The following IGF2R variants were observed in gnomAD, a reference collection of about 807,000 sequenced individuals.
IGF2R encodes cation-independent mannose-6-phosphate receptor.
IGF2R carries 91 observed loss-of-function variants against 270.6 expected under a neutral mutation model. The observed-to-expected ratio is 0.34, with a 90% confidence interval of 0.28 to 0.40. The LOEUF is 0.40. IGF2R is among the 10% of genes least tolerant of loss of function. The probability of loss-of-function intolerance (pLI) is 1.00; values close to 1 mark genes in which losing one functional copy is unlikely to be tolerated. For missense variants in IGF2R, 2,805 were observed against 3,188.3 expected (o/e 0.88, Z 2.90); for synonymous variants, 1,316 against 1,258.9 (o/e 1.05, Z -0.96).
At chr6:160,042,831 G>C (rs1006477175) in intron 11 of IGF2R, among the ~76,000 whole-genome samples, 1 of 152,172 alleles carries the variant, frequency 6.6e-6, no homozygotes, top group African/African-American at 2.4e-5. Context: ...TCTTGATTTG[G>C]GTTTTCAGTT....
Position 160,096,645 on chromosome 6 carries a change from G to A in IGF2R, c.6842+20G>A, listed in dbSNP as rs749637133. ...TCTGGGGTGAGTATGACATCCGGAA[G>A]CTTAGCACTTGTACCCCACATCTTC... On this transcript the variant is annotated intron_variant, in intron 45 of 47. Coordinates refer to ENST00000356956, the MANE Select transcript of IGF2R (RefSeq NM_000876.4). The A allele has an allele frequency of 6.3e-7, 1 of 1,587,350 alleles. No homozygotes were observed. The highest frequency in any genetic ancestry group is 1.1e-5 in the South Asian group (1 of 87,666).
rs374125303 is a variant in IGF2R at position 160,079,763 on chromosome 6, G to A, written c.5662G>A (p.Val1888Met). Residue 1888 changes from valine (V) to methionine (M), a missense_variant, in exon 38 of 48, where the codon GTG becomes ATG. By Grantham distance (21) the Val-to-Met change is conservative. Coordinates refer to ENST00000356956, the MANE Select transcript of IGF2R (RefSeq NM_000876.4). Reference protein sequence around the residue: ...HQDEAVVLSYVNGDRCPPETD... With the variant: ...HQDEAVVLSYMNGDRCPPETD... ...GGATGAAGCGGTCGTTTTAAGTTAC[G>A]TGAATGGTGATCGTTGCCCTCCAGG... 4.8e-6 allele frequency: 7 copies of A among 1,458,524 alleles called. No individual in the cohort carries two copies. The highest frequency in any genetic ancestry group is 1.5e-5 in the South Asian group (1 of 64,708). The allele number at this position is 1,458,524 out of a possible 1,614,324, so 90.3% of individuals were successfully genotyped here.
intron 25 of IGF2R, among the ~76,000 whole-genome samples, chr6:160,062,223 G>T (rs1358374410): frequency 1.4e-5 from 2 of 144,684 alleles, no homozygotes; most frequent in African/African-American, 5.2e-5. Flanking sequence ...ACCCAGGCTG[G>T]AGTGCAGTGG....
chr6:160,063,039 G>GTTTT (rs35789923), intron 26 of IGF2R, among the ~76,000 whole-genome samples: 1 of 131,280 alleles, frequency 7.6e-6, no homozygotes, highest in Non-Finnish European at 1.7e-5. Context: ...AATTGTAAAA[G>GTTTT]TTTTTTTTTT....
chr6:159,987,326 T>C (rs1783903456), intron 1 of IGF2R, among the ~76,000 whole-genome samples: 2 of 152,252 alleles, frequency 1.3e-5, no homozygotes, highest in Admixed American at 1.3e-4. Flanking sequence ...TCTTCATAAA[T>C]TTTCAGAGAG....
chr6:160,091,891 C>T (rs1779235152), intron 44 of IGF2R, among the ~76,000 whole-genome samples: 1 of 152,224 alleles, frequency 6.6e-6, no homozygotes, highest in South Asian at 2.1e-4. Context: ...CCAGGGTAGC[C>T]TTGCAAGCTG....
chr6:160,077,213 T>C (rs1393467126), intron 36 of IGF2R, among the ~76,000 whole-genome samples: 1 of 152,216 alleles, frequency 6.6e-6, no homozygotes, highest in Non-Finnish European at 1.5e-5. Flanking sequence ...GGCAGAGCTG[T>C]ATTCAGTCCA....
At chr6:160,093,714 A>G (rs1304020904) in intron 44 of IGF2R, 3 of 757,822 alleles carry the variant, frequency 4.0e-6, no homozygotes, top group African/African-American at 1.7e-5. Context: ...AAAGTTGTGA[A>G]TGGACCTGAA....
intron 1 of IGF2R, among the ~76,000 whole-genome samples, chr6:159,975,574 C>T (rs1169287655): frequency 6.6e-6 from 1 of 151,362 alleles, no homozygotes; most frequent in African/African-American, 2.4e-5. Context: ...AGATTGTTTC[C>T]TGAGGCCTGA....
rs537814904 is a variant in IGF2R at position 159,974,997 on chromosome 6, C to T, written c.149+5602C>T. ...AACAGTCATCAACACAGAAGACCTCCGTAATCAAATGTGTGGTCGTTTTTC... is the reference window on the plus strand; with the variant it reads ...AACAGTCATCAACACAGAAGACCTCTGTAATCAAATGTGTGGTCGTTTTTC... On this transcript the variant is annotated intron_variant, in intron 1 of 47. Transcript: ENST00000356956. 1.6e-4 allele frequency among the ~76,000 whole-genome samples: 25 copies of T among 152,296 alleles called. No individual in the cohort carries two copies. The East Asian group carries it at 2.1e-3, about 13-fold the overall frequency.
chr6:160,024,550 CT>C, intron 4 of IGF2R, 21 bp from the exon 5 acceptor site: 1 of 1,613,138 alleles, frequency 6.2e-7, no homozygotes, highest in Non-Finnish European at 8.5e-7. Flanking sequence ...TGAAGACTCA[CT>C]TTTTTCTTCC....
rs1778166488 is a variant in IGF2R at position 160,050,355 on chromosome 6, G to GT, written c.2515-117dup. 1 of 1,021,126 alleles carries GT rather than the reference G, an allele frequency of 9.8e-7. No homozygotes were observed. The highest frequency in any genetic ancestry group is 1.5e-6 in the Non-Finnish European group (1 of 688,836). 63.3% of individuals were successfully genotyped at this position (1,021,126 alleles called of 1,614,324 possible). ...TAATAAGGGGATTTCCCCAGGAGCA[G>GT]TGGTTCTGTATTCAATAATTCATTG... On this transcript the variant is annotated intron_variant, in intron 18 of 47. Coordinates refer to ENST00000356956, the MANE Select transcript of IGF2R (RefSeq NM_000876.4). This position sits in a 1 kb window ranked among gnomAD's most constrained non-coding sequence, Gnocchi z 4.0.
Position 160,084,142 on chromosome 6 carries a change from C to A in IGF2R, c.6026C>A (p.Ser2009Tyr), listed in dbSNP as rs1230492914. The change falls in exon 40 of 48, where the codon TCC (serine) becomes TAC (tyrosine). Residue 2009 changes from serine to tyrosine, a missense_variant. Around this residue, in one of 2 missense-constraint regions of IGF2R, gnomAD observed 1,851 missense variants for 2,207.2 expected, o/e 0.84. Transcript: ENST00000356956. This position sits in a 1 kb window ranked among gnomAD's most constrained non-coding sequence, Gnocchi z 4.6. ...AAAACCTACGACCTGCGGCTGCTCT[C>A]CTCTCTCACCGGGTCCTGGTCCCTC... ...KHKTYDLRLL[S>Y]SLTGSWSLVH... 6.2e-7 allele frequency: 1 copy of A among 1,614,114 alleles called. No homozygotes were observed. The highest frequency in any genetic ancestry group is 1.7e-5 in the Admixed American group (1 of 60,030).
At position 160,102,800 on chromosome 6, in the gene IGF2R, GTCCAAAAC is replaced by G; in HGVS notation, c.6995+132_6995+139del. 1 of 1,094,602 alleles carries G rather than the reference GTCCAAAAC, an allele frequency of 9.1e-7. No homozygotes were observed. The highest frequency in any genetic ancestry group is 1.3e-6 in the Non-Finnish European group (1 of 779,800). The allele number at this position is 1,094,602 out of a possible 1,614,324, so 67.8% of individuals were successfully genotyped here. ...CAGCAGCGAAGGCTCGAGGTTCTTA[GTCCAAAAC>G]TCTCTGGAAGCAGTCCCCAGCGTTG... is the stretch of plus-strand genomic sequence containing the variant. On this transcript the variant is annotated intron_variant, in intron 46 of 47. Transcript: ENST00000356956. The surrounding 1 kb of genome is among the most constrained non-coding windows in gnomAD (Gnocchi z 4.5).
intron 36 of IGF2R, 105 bp downstream of exon 36, chr6:160,076,101 A>G (rs747056239): frequency 2.1e-5 from 24 of 1,138,912 alleles, no homozygotes; most frequent in Non-Finnish European, 3.0e-5. Flanking sequence ...CTTATTCAAA[A>G]TGTCTGCCTT....
At chr6:160,095,712 T>G (rs1458341685) in intron 44 of IGF2R, 1 of 152,370 alleles carries the variant, frequency 6.6e-6, no homozygotes, top group Non-Finnish European at 1.5e-5. Flanking sequence ...TCAGCTTAGT[T>G]TAGACTTCAG....
chr6:160,058,419 C>G (rs866580441), intron 21 of IGF2R, among the ~76,000 whole-genome samples: 1 of 152,152 alleles, frequency 6.6e-6, no homozygotes, highest in Admixed American at 6.5e-5. Flanking sequence ...CCATTGGTCT[C>G]TCCTTACTGT....
chr6:160,068,864 A>G (rs1001965863), intron 30 of IGF2R, among the ~76,000 whole-genome samples: 1 of 152,188 alleles, frequency 6.6e-6, no homozygotes, highest in African/African-American at 2.4e-5. Context: ...GGTTCGGCCG[A>G]GAAACAGCAG....
intron 1 of IGF2R, among the ~76,000 whole-genome samples, chr6:159,976,604 GTTTC>G (rs1174981725): frequency 6.6e-6 from 1 of 150,574 alleles, no homozygotes; most frequent in Non-Finnish European, 1.5e-5. Context: ...AAAGCTTCAT[GTTTC>G]TTTCTTCGGA....
Sources: allele counts gnomAD v4.1 joint callset (sites outside exome capture counted in the v4.1 genomes callset), GRCh38; gene constraint gnomAD v4.1.1; regional missense constraint gnomAD v4.1.1; non-coding constraint Gnocchi (gnomAD v3.1); transcripts MANE v1.5; gene names NCBI Gene and HGNC (gene_info 2026-07-23, HGNC 2026-07-21).